The following TNFRSF11A variants were observed in gnomAD, a reference collection of about 807,000 sequenced individuals.
TNFRSF11A encodes the protein TNF receptor superfamily member 11a, also known as tumor necrosis factor receptor superfamily member 11A.
Under a neutral mutation model 55.7 loss-of-function variants are expected in TNFRSF11A, and 32 were observed. The ratio of observed to expected loss-of-function variants is 0.57; its 90% CI spans 0.43 to 0.77. The LOEUF is 0.77. Among genes scored for constraint, TNFRSF11A ranks in the 30% least tolerant of loss-of-function variants. The probability of loss-of-function intolerance (pLI) is 0.00; values close to 1 mark genes in which losing one functional copy is unlikely to be tolerated. For missense variants in TNFRSF11A, 753 were observed against 809.8 expected, an observed-to-expected ratio of 0.93 and a Z score of 0.85; for synonymous variants, 311 against 331.0, an observed-to-expected ratio of 0.94 and a Z score of 0.65.
intron 9 of TNFRSF11A, among the ~76,000 whole-genome samples, chr18:62,370,893 G>A (rs886727506): frequency 2.0e-5 from 3 of 151,064 alleles, no homozygotes; most frequent in Non-Finnish European, 2.9e-5. Flanking sequence ...GCAGTGGCGC[G>A]ATCTCGGCTC....
chr18:62,339,421 C>T (rs879571969), intron 1 of TNFRSF11A, among the ~76,000 whole-genome samples: 18 of 152,216 alleles, frequency 1.2e-4, no homozygotes, highest in African/African-American at 2.2e-4. Context: ...CCAAGGAAGA[C>T]GTGGACACCA....
At position 62,354,540 on chromosome 18, in the gene TNFRSF11A, G is replaced by T; in HGVS notation, c.427+6G>T. 6.2e-7 allele frequency: 1 copy of T among 1,602,602 alleles called. No homozygotes were observed. On this transcript the variant is annotated splice_donor_region_variant and intron_variant, in intron 4 of 9. Transcript: ENST00000586569. ...CCTGGGCGCCCAGCACCCGTGTACGGGTTGGATGTGTGCGTCTGTCGGCTC... is the reference window on the plus strand; with the variant it reads ...CCTGGGCGCCCAGCACCCGTGTACGTGTTGGATGTGTGCGTCTGTCGGCTC...
rs1016277432 is a variant in TNFRSF11A, at chr18:62,383,624, G to A, written c.1568-1127G>A. Among the ~76,000 whole-genome samples the A allele has an allele frequency of 6.6e-6, 1 of 151,954 alleles. No individual in the cohort carries two copies. Among genetic ancestry groups the A allele is most frequent in the Non-Finnish European group, 1.5e-5 (1 of 68,002 alleles). ...CTAGACCAAAGTCTAGGAAATTTCT[G>A]TCTTTAAAATGGAAGAATCGTAAGA... On this transcript the variant is annotated intron_variant, in intron 9 of 9. Coordinates refer to ENST00000586569, the MANE Select transcript of TNFRSF11A (RefSeq NM_003839.4). The surrounding 1 kb of genome is among the most constrained non-coding windows in gnomAD (Gnocchi z 4.2).
rs748333316 is a variant in TNFRSF11A at position 62,358,284 on chromosome 18, T to C, written c.464T>C (p.Leu155Pro). Residue 155 changes from leucine to proline, a missense_variant, in exon 5 of 10, where the codon CTT (leucine) becomes CCT (proline). By Grantham distance (98) the Leu-to-Pro change is moderately conservative (BLOSUM62 -3). Coordinates refer to ENST00000586569, the MANE Select transcript of TNFRSF11A (RefSeq NM_003839.4). ...LNKDTVCKPC[L>P]AGYFSDAFSS... ...AAGGACACAGTGTGCAAACCTTGCC[T>C]TGCAGGCTACTTCTCTGATGCCTTT... 1 of 1,607,302 alleles carries C rather than the reference T, an allele frequency of 6.2e-7. No homozygotes were observed. Among genetic ancestry groups the C allele is most frequent in the Non-Finnish European group, 8.5e-7 (1 of 1,176,712 alleles).
chr18:62,354,797 C>T (rs886528720), intron 4 of TNFRSF11A, among the ~76,000 whole-genome samples: 1 of 152,174 alleles, frequency 6.6e-6, no homozygotes, highest in African/African-American at 2.4e-5. Flanking sequence ...GTTGCTGGGG[C>T]TCCTCCATCC....
At chr18:62,343,849 A>G (rs1285814004) in intron 1 of TNFRSF11A, among the ~76,000 whole-genome samples, 1 of 152,222 alleles carries the variant, frequency 6.6e-6, no homozygotes, top group Non-Finnish European at 1.5e-5. Flanking sequence ...GAACAGACTA[A>G]TGTTCCTTAT....
intron 9 of TNFRSF11A, among the ~76,000 whole-genome samples, chr18:62,378,816 G>A (rs1318782578): frequency 6.6e-6 from 1 of 152,220 alleles, no homozygotes; most frequent in Non-Finnish European, 1.5e-5. Flanking sequence ...CCACTAGTGA[G>A]AGCCAAGTCT....
At chr18:62,366,520 C>T (rs903880968) in intron 7 of TNFRSF11A, among the ~76,000 whole-genome samples, 188 bp from the exon 8 acceptor site, 1 of 152,188 alleles carries the variant, frequency 6.6e-6, no homozygotes, top group Non-Finnish European at 1.5e-5. Flanking sequence ...TTGCCACACA[C>T]ACATAAAAAT....
chr18:62,346,727 C>T (rs2046389448), intron 1 of TNFRSF11A, among the ~76,000 whole-genome samples: 1 of 152,232 alleles, frequency 6.6e-6, no homozygotes, highest in African/African-American at 2.4e-5. Flanking sequence ...CTAGCCTGGG[C>T]TTTCCTGGGT....
intron 1 of TNFRSF11A, among the ~76,000 whole-genome samples, chr18:62,333,148 A>G (rs1428833960): frequency 6.6e-6 from 1 of 152,184 alleles, no homozygotes; most frequent in Non-Finnish European, 1.5e-5. Context: ...GGAAGGATAA[A>G]GCCAGCTGGG....
chr18:62,385,171 T>G lies in TNFRSF11A; in HGVS notation c.*137T>G, dbSNP rs1904779090. ...GACCACCCGGCATTCTCTGCCCACT[T>G]TGCCTTCCAGGAAATGGGCTTTTCA... On this transcript the variant is annotated 3_prime_UTR_variant, in exon 10 of 10. Coordinates refer to ENST00000586569, the MANE Select transcript of TNFRSF11A (RefSeq NM_003839.4). 3 of 1,065,040 alleles carry G rather than the reference T, an allele frequency of 2.8e-6. No individual in the cohort carries two copies. The highest frequency in any genetic ancestry group is 8.2e-5 in the Admixed American group (2 of 24,246). The allele number at this position is 1,065,040 out of a possible 1,614,324, so 66.0% of individuals were successfully genotyped here. A position where few individuals can be genotyped will look rare whatever the true frequency, so the allele number is the denominator to read the frequency against.
rs139333014 is a variant in TNFRSF11A, at chr18:62,345,842, A to G, written c.76-2326A>G. 2.0e-5 allele frequency among the ~76,000 whole-genome samples: 3 copies of G among 152,338 alleles called. No homozygotes were observed. The East Asian group carries it at 5.8e-4, about 29-fold the overall frequency. On this transcript the variant is annotated intron_variant, in intron 1 of 9. Transcript: ENST00000586569. ...ATTTTATATCTGTGACAATCAATTA[A>G]AAGTTAGGACAGCTGGTCATTTCTG... is the stretch of plus-strand genomic sequence containing the variant.
chr18:62,343,474 G>T (rs2046341777), intron 1 of TNFRSF11A, among the ~76,000 whole-genome samples: 1 of 152,086 alleles, frequency 6.6e-6, no homozygotes, highest in African/African-American at 2.4e-5. Context: ...TCGTCTCTGT[G>T]GCTCCACTGG....
chr18:62,348,148 G>A lies in TNFRSF11A; in HGVS notation c.76-20G>A. 6.2e-7 allele frequency: 1 copy of A among 1,603,476 alleles called. No individual in the cohort carries two copies. On this transcript the variant is annotated intron_variant, in intron 1 of 9. Transcript: ENST00000586569. ...AAAGAGCTGTGTGGACTCTCTGCCT[G>A]ACCTCAGTGTTCTTTTCAGGTGGCT...
At chr18:62,362,189 T>TA (rs1909737490) in intron 7 of TNFRSF11A, among the ~76,000 whole-genome samples, 1 of 152,134 alleles carries the variant, frequency 6.6e-6, no homozygotes, top group Admixed American at 6.6e-5. Flanking sequence ...ACTGGAGTGT[T>TA]ACTTTGAAAT....
chr18:62,357,259 C>T (rs1909325841), intron 4 of TNFRSF11A, among the ~76,000 whole-genome samples: 1 of 152,172 alleles, frequency 6.6e-6, no homozygotes, highest in South Asian at 2.1e-4. Context: ...GGGCACCAGC[C>T]AGTTGCCTGA....
chr18:62,352,472 G>A lies in TNFRSF11A; in HGVS notation c.284-1919G>A, dbSNP rs1273749009. On this transcript the variant is annotated intron_variant, in intron 3 of 9. Coordinates refer to ENST00000586569, the MANE Select transcript of TNFRSF11A (RefSeq NM_003839.4). ...CCACTGAGCAGAAGCATCTGATCAA[G>A]CCTTTTTTATTTCCCACTGCTTAGT... Among the ~76,000 whole-genome samples, 2 of 152,210 alleles carry A rather than the reference G, an allele frequency of 1.3e-5. 1 individual carries two copies. The highest frequency in any genetic ancestry group is 2.9e-5 in the Non-Finnish European group (2 of 68,046).
At chr18:62,336,738 G>A (rs987087758) in intron 1 of TNFRSF11A, 2 of 152,284 alleles carry the variant, frequency 1.3e-5, no homozygotes. Context: ...GGAAACAACC[G>A]GCCTTGCCCT....
chr18:62,349,424 G>T (rs764425179), intron 2 of TNFRSF11A, among the ~76,000 whole-genome samples: 1 of 152,064 alleles, frequency 6.6e-6, no homozygotes, highest in East Asian at 1.9e-4. Flanking sequence ...CAGGTGATCC[G>T]CCCGTCTCCG....
Sources: allele counts gnomAD v4.1 joint callset (sites outside exome capture counted in the v4.1 genomes callset), GRCh38; gene constraint gnomAD v4.1.1; non-coding constraint Gnocchi (gnomAD v3.1); transcripts MANE v1.5; gene names NCBI Gene and HGNC (gene_info 2026-07-23, HGNC 2026-07-21).